The following HNF1A variants were observed in gnomAD, a reference collection of about 807,000 sequenced individuals.
HNF1A encodes the protein HNF1 homeobox A.
Under a neutral mutation model 62.2 loss-of-function variants are expected in HNF1A, and 21 were observed. That is an observed-to-expected ratio of 0.34 (90% confidence interval 0.24 to 0.49). The LOEUF (loss-of-function observed/expected upper bound fraction) is 0.49. Among genes scored for constraint, HNF1A ranks in the 20% least tolerant of loss-of-function variants. The pLI is 0.99. For missense variants in HNF1A, 687 were observed against 832.3 expected, an observed-to-expected ratio of 0.83 and a Z score of 2.15; for synonymous variants, 374 against 366.8, an observed-to-expected ratio of 1.02 and a Z score of -0.22.
intron 4 of HNF1A, among the ~76,000 whole-genome samples, chr12:120,994,771 T>C (rs1394138654): frequency 1.3e-5 from 2 of 151,190 alleles, no homozygotes; most frequent in Non-Finnish European, 3.0e-5. Context: ...CTCCATCCAC[T>C]CTACTCCATC....
chr12:120,992,881 C>T (rs181644988), intron 2 of HNF1A, among the ~76,000 whole-genome samples: 17 of 152,264 alleles, frequency 1.1e-4, no homozygotes, highest in Admixed American at 5.9e-4. Context: ...GCTGCTGCTG[C>T]GCCCCTGATT....
intron 1 of HNF1A, among the ~76,000 whole-genome samples, chr12:120,988,420 C>T (rs1037024974): frequency 2.0e-5 from 3 of 151,500 alleles, no homozygotes; most frequent in African/African-American, 7.3e-5. Context: ...ATTCGCCCAT[C>T]CATCCATCCA....
rs1877313665 is a variant in HNF1A, at chr12:120,999,546, A to G, written c.1687A>G (p.Thr563Ala). Residue 563 changes from threonine (T) to alanine (A), a missense_variant, in exon 9 of 10, where the codon ACC becomes GCC. By Grantham distance (58) the Thr-to-Ala change is moderately conservative. Around this residue, in one of 5 missense-constraint regions of HNF1A, gnomAD observed 408 missense variants for 455.3 expected, o/e 0.90. Transcript: ENST00000257555. ...SGLHTPASQA[T>A]TLHVPSQDPA... is the part of the protein sequence containing the mutation. Reference sequence around the variant, plus strand: ...GCTTCACACGCCGGCATCTCAGGCCACCACCCTCCACGTCCCCAGCCAGGA... The same window carrying G: ...GCTTCACACGCCGGCATCTCAGGCCGCCACCCTCCACGTCCCCAGCCAGGA... 2 of 1,612,766 alleles carry G rather than the reference A, an allele frequency of 1.2e-6. No homozygotes were observed. The highest frequency in any genetic ancestry group is 1.3e-5 in the African/African-American group (1 of 74,956).
At chr12:120,981,389 A>T (rs1362349757) in intron 1 of HNF1A, among the ~76,000 whole-genome samples, 1 of 152,086 alleles carries the variant, frequency 6.6e-6, no homozygotes, top group Non-Finnish European at 1.5e-5. Flanking sequence ...TCCCTGAGTG[A>T]CCTTGGGAAA....
Position 121,001,205 on chromosome 12 carries a change from G to T in HNF1A, c.*13G>T, listed in dbSNP as rs1044153148. The T allele has an allele frequency of 2.5e-6, 4 of 1,613,606 alleles. No homozygotes were observed. The African/African-American group carries it at 5.3e-5, about 22-fold the overall frequency. On this transcript the variant is annotated 3_prime_UTR_variant, in exon 10 of 10. Coordinates refer to ENST00000257555, the MANE Select transcript of HNF1A (RefSeq NM_000545.8). ...TTCCTCCCAGTAACCACGGCACCTGGGCCCTGGGGCCTGTACTGCCTGCTT... is the reference window on the plus strand; with the variant it reads ...TTCCTCCCAGTAACCACGGCACCTGTGCCCTGGGGCCTGTACTGCCTGCTT...
intron 7 of HNF1A, 90 bp from the exon 8 acceptor site, chr12:120,999,178 C>A: frequency 6.7e-7 from 1 of 1,503,614 alleles, no homozygotes; most frequent in Non-Finnish European, 9.2e-7. Flanking sequence ...GTTCAGCAGG[C>A]CCCATGCCCC....
chr12:120,998,986 T>C (rs562303708), intron 7 of HNF1A, among the ~76,000 whole-genome samples: 27 of 152,336 alleles, frequency 1.8e-4, no homozygotes, highest in Middle Eastern at 6.8e-3. Context: ...TCCCGTTCCC[T>C]TTCATACCTG....
At chr12:120,984,347 A>AAT (rs55708191) in intron 1 of HNF1A, among the ~76,000 whole-genome samples, 19 of 130,232 alleles carry the variant, frequency 1.5e-4, no homozygotes, top group South Asian at 5.0e-4. Context: ...TGAGAATGAG[A>AAT]GAGAGAGAGA....
chr12:120,998,589 G>T (rs1877237007), intron 7 of HNF1A, among the ~76,000 whole-genome samples: 1 of 152,176 alleles, frequency 6.6e-6, no homozygotes, highest in African/African-American at 2.4e-5. Flanking sequence ...GAGAGTGTAT[G>T]CGTGTGTGTG....
rs1471388846 is a variant in HNF1A, at chr12:120,996,662, G to C, written c.1229G>C (p.Gly410Ala). 2.5e-6 allele frequency: 4 copies of C among 1,613,866 alleles called. No homozygotes were observed. The highest frequency in any genetic ancestry group is 3.4e-6 in the Non-Finnish European group (4 of 1,180,002). The change falls in exon 6 of 10, where the codon GGG (glycine) becomes GCG (alanine). Residue 410 changes from glycine to alanine, a missense_variant. Around this residue, in one of 5 missense-constraint regions of HNF1A, gnomAD observed 408 missense variants for 455.3 expected, o/e 0.90. Coordinates refer to ENST00000257555, the MANE Select transcript of HNF1A (RefSeq NM_000545.8). This position sits in a 1 kb window ranked among gnomAD's most constrained non-coding sequence, Gnocchi z 4.5. ...AACCTCATCATGGCCTCACTTCCTG[G>C]GGTCATGACCATCGGGCCTGGTGAG... Reference protein sequence around the residue: ...PQNLIMASLPGVMTIGPGEPA... With the variant: ...PQNLIMASLPAVMTIGPGEPA...
rs1001758189 is a variant in HNF1A, at chr12:121,001,576, C to G, written c.*384C>G. ...CCGCTACACCACTCTGGCAGCCACA[C>G]TTCTCAGGACACAGGCCTGTGTAGC... On this transcript the variant is annotated 3_prime_UTR_variant, in exon 10 of 10. Transcript: ENST00000257555. 9.1e-6 allele frequency: 4 copies of G among 440,122 alleles called. No individual in the cohort carries two copies. The highest frequency in any genetic ancestry group is 2.0e-5 in the African/African-American group (1 of 50,764). The allele number at this position is 440,122 out of a possible 1,614,324, so 27.3% of individuals were successfully genotyped here.
At chr12:120,999,836 T>C (rs528703230) in intron 9 of HNF1A, among the ~76,000 whole-genome samples, 2 of 152,280 alleles carry the variant, frequency 1.3e-5, no homozygotes, top group African/African-American at 4.8e-5. Flanking sequence ...GGGGCCCACC[T>C]TACAAGAACA....
chr12:120,987,883 T>A (rs1457426905), intron 1 of HNF1A, among the ~76,000 whole-genome samples: 3 of 152,128 alleles, frequency 2.0e-5, no homozygotes, highest in African/African-American at 7.2e-5. Flanking sequence ...TGAGACAGGG[T>A]CTTGTTCTGT....
chr12:120,999,090 G>A (rs1456718615), intron 7 of HNF1A, among the ~76,000 whole-genome samples, 178 bp from the exon 8 acceptor site: 2 of 152,198 alleles, frequency 1.3e-5, no homozygotes, highest in Non-Finnish European at 2.9e-5. Flanking sequence ...CTGTAATGGG[G>A]AGAGGGTCTG....
rs539902924 is a variant in HNF1A, at chr12:120,994,548, C to T, written c.955+143C>T. 4.3e-6 allele frequency: 4 copies of T among 925,766 alleles called. No individual in the cohort carries two copies. In the East Asian group the frequency reaches 1.1e-4, roughly 24 times the overall value. The allele number at this position is 925,766 out of a possible 1,614,324, so 57.3% of individuals were successfully genotyped here. On this transcript the variant is annotated intron_variant, in intron 4 of 9. Transcript: ENST00000257555. ...TGCCACTCCTTATCACTCTACTTCA[C>T]TCTGTTCATTCATCCATTCCACTCT... is the stretch of plus-strand genomic sequence containing the variant.
Position 121,001,193 on chromosome 12 carries a change from C to T in HNF1A, c.*1C>T. 1 of 1,614,004 alleles carries T rather than the reference C, an allele frequency of 6.2e-7. No homozygotes were observed. The highest frequency in any genetic ancestry group is 8.5e-7 in the Non-Finnish European group (1 of 1,179,974). On this transcript the variant is annotated 3_prime_UTR_variant, in exon 10 of 10. Transcript: ENST00000257555. Reference sequence around the variant, plus strand: ...CCAGATGGCCTCTTCCTCCCAGTAACCACGGCACCTGGGCCCTGGGGCCTG... The same window carrying T: ...CCAGATGGCCTCTTCCTCCCAGTAATCACGGCACCTGGGCCCTGGGGCCTG...
Position 121,002,356 on chromosome 12 carries a change from CCTG to C in HNF1A, c.*1171_*1173del, listed in dbSNP as rs1877557126. The C allele has an allele frequency of 2.1e-6, 1 of 487,498 alleles. No individual in the cohort carries two copies. Among genetic ancestry groups the C allele is most frequent in the African/African-American group, 1.9e-5 (1 of 52,030 alleles). The allele number at this position is 487,498 out of a possible 1,614,324, so 30.2% of individuals were successfully genotyped here. On this transcript the variant is annotated 3_prime_UTR_variant, in exon 10 of 10. Coordinates refer to ENST00000257555, the MANE Select transcript of HNF1A (RefSeq NM_000545.8). ...ACAAGCATGGTCCCACATCCCTGGG[CCTG>C]CTGCTGAGAACCTGGCCTTCAGTGT...
intron 1 of HNF1A, among the ~76,000 whole-genome samples, chr12:120,981,410 C>T (rs577040098): frequency 6.6e-6 from 1 of 152,350 alleles, no homozygotes; most frequent in East Asian, 1.9e-4. Context: ...GTCTGTTCCT[C>T]TCCTTCTGCC....
In HNF1A at chr12:121,001,083, T is replaced by G; in HGVS notation, c.1787T>G (p.Val596Gly). Reference protein sequence around the residue: ...ASPTVSSSSLVLYQSSDSSNG... With the variant: ...ASPTVSSSSLGLYQSSDSSNG... ...TCTGCAGTGTCCTCCAGCAGCCTGG[T>G]GCTGTACCAGAGCTCAGACTCCAGC... Residue 596 changes from valine (V) to glycine (G), a missense_variant, in exon 10 of 10, where the codon GTG becomes GGG. Physicochemically the swap from Val to Gly is moderately radical, Grantham distance 109 (BLOSUM62 -3). Transcript: ENST00000257555. The G allele has an allele frequency of 6.2e-7, 1 of 1,613,628 alleles. No individual in the cohort carries two copies. The highest frequency in any genetic ancestry group is 2.2e-5 in the East Asian group (1 of 44,878).
Sources: allele counts gnomAD v4.1 joint callset (sites outside exome capture counted in the v4.1 genomes callset), GRCh38; gene constraint gnomAD v4.1.1; regional missense constraint gnomAD v4.1.1; non-coding constraint Gnocchi (gnomAD v3.1); transcripts MANE v1.5; gene names NCBI Gene and HGNC (gene_info 2026-07-23, HGNC 2026-07-21).